Variants in REV3L observed in about 807,000 individuals in gnomAD.
The protein encoded by REV3L is REV3 like, DNA directed polymerase zeta catalytic subunit.
REV3L carries 69 observed loss-of-function variants against 299.4 expected under a neutral mutation model. The ratio of observed to expected loss-of-function variants is 0.23; its 90% CI spans 0.19 to 0.28. The LOEUF is 0.28. REV3L is among the 10% of genes least tolerant of loss of function. The pLI, the probability that REV3L is intolerant of heterozygous loss-of-function variation, is 1.00. For synonymous variants in REV3L, 1,238 were observed against 1,271.4 expected, an observed-to-expected ratio of 0.97 and a Z score of 0.56; for missense variants, 3,128 against 3,693.8, an observed-to-expected ratio of 0.85 and a Z score of 3.97.
At chr6:111,388,264 G>A (rs983149396) in intron 7 of REV3L, among the ~76,000 whole-genome samples, 179 bp from the exon 8 acceptor site, 2 of 151,966 alleles carry the variant, frequency 1.3e-5, no homozygotes, top group Non-Finnish European at 2.9e-5. Flanking sequence ...TGTTACTAAA[G>A]TTATAAAATT....
chr6:111,304,081 A>G (rs964619798), intron 31 of REV3L, among the ~76,000 whole-genome samples: 1 of 151,870 alleles, frequency 6.6e-6, no homozygotes, highest in African/African-American at 2.4e-5. Flanking sequence ...TGGGTTACAG[A>G]GTTTGATATA....
chr6:111,396,308 T>G (rs1211778566), intron 4 of REV3L, among the ~76,000 whole-genome samples: 1 of 152,130 alleles, frequency 6.6e-6, no homozygotes, highest in African/African-American at 2.4e-5. Context: ...ATTACAGGCA[T>G]GAGCCACTGT....
chr6:111,390,430 A>G (rs554057971), intron 5 of REV3L, among the ~76,000 whole-genome samples: 79 of 152,300 alleles, frequency 5.2e-4, no homozygotes, highest in Non-Finnish European at 9.7e-4. Context: ...TTGGTTCATT[A>G]TATTTTATAT....
At position 111,400,157 on chromosome 6, in the gene REV3L, C is replaced by T. The variant is rs780105061; in HGVS notation, c.565+5313G>A. Among the ~76,000 whole-genome samples, 5 of 152,144 alleles carry T rather than the reference C, an allele frequency of 3.3e-5. No individual in the cohort carries two copies. In the South Asian group the frequency reaches 6.2e-4, roughly 19 times the overall value. On this transcript the variant is annotated intron_variant, in intron 4 of 31. Coordinates refer to ENST00000368802, the MANE Select transcript of REV3L (RefSeq NM_001372078.1). ...CCATTCCCCTGTTGAGTGGACATCT[C>T]GGTTGCTTTACATTTTTGGCAGTTA...
intron 1 of REV3L, among the ~76,000 whole-genome samples, chr6:111,423,204 T>C (rs1267832063): frequency 6.6e-6 from 1 of 152,048 alleles, no homozygotes; most frequent in African/African-American, 2.4e-5. Flanking sequence ...GAGAAAATGA[T>C]GAATAAATAG....
upstream of REV3L, chr6:111,483,379 G>A: frequency 4.3e-6 from 2 of 470,326 alleles, no homozygotes; most frequent in South Asian, 3.0e-5. Context: ...CCCCCTCCCC[G>A]GGCACGCGGC....
intron 18 of REV3L, among the ~76,000 whole-genome samples, chr6:111,354,644 A>G (rs1202506044): frequency 1.3e-5 from 2 of 152,172 alleles, no homozygotes; most frequent in Non-Finnish European, 2.9e-5. Context: ...TTTCCTCTCT[A>G]AAAACATTTG....
At chr6:111,411,367 G>T in intron 3 of REV3L, 113 bp downstream of exon 3, 1 of 694,420 alleles carries the variant, frequency 1.4e-6, no homozygotes, top group Non-Finnish European at 2.5e-6. Context: ...GTATTTTACG[G>T]TCTCTGTCTT....
At chr6:111,329,104 C>A (rs1044098922) in intron 25 of REV3L, among the ~76,000 whole-genome samples, 6 of 151,484 alleles carry the variant, frequency 4.0e-5, no homozygotes, top group Non-Finnish European at 7.4e-5. Context: ...AGTGCAATGG[C>A]GCGATCTTGG....
chr6:111,403,346 A>G (rs964142777), intron 4 of REV3L, among the ~76,000 whole-genome samples: 11 of 152,224 alleles, frequency 7.2e-5, no homozygotes, highest in African/African-American at 2.7e-4. Context: ...GGAATACCCC[A>G]TTAAATTGTG....
At chr6:111,408,604 A>AAACAAAACAC (rs1783895987) in intron 3 of REV3L, among the ~76,000 whole-genome samples, 1 of 44,260 alleles carries the variant, frequency 2.3e-5, no homozygotes. Flanking sequence ...TCCATCTTAA[A>AAACAAAACAC]AACAAAACAA....
At chr6:111,418,167 T>C (rs910787760) in intron 1 of REV3L, among the ~76,000 whole-genome samples, 1 of 152,036 alleles carries the variant, frequency 6.6e-6, no homozygotes, top group African/African-American at 2.4e-5. Context: ...TTGAGGGAGG[T>C]GGGAAGACAG....
rs1049253613 is a variant in REV3L, at chr6:111,377,031, A to G, written c.1598-274T>C. On this transcript the variant is annotated intron_variant, in intron 12 of 31. Transcript: ENST00000368802. Reference sequence around the variant, plus strand: ...TGGGGCATAAGGGAAAAATACTGTCACTTTAAAAATGTTCATAAAATAATA... The same window carrying G: ...TGGGGCATAAGGGAAAAATACTGTCGCTTTAAAAATGTTCATAAAATAATA... Among the ~76,000 whole-genome samples the G allele has an allele frequency of 2.0e-5, 3 of 152,352 alleles. No individual in the cohort carries two copies. The East Asian group carries it at 5.8e-4, about 29-fold the overall frequency.
chr6:111,348,719 A>G (rs968132283), intron 20 of REV3L, among the ~76,000 whole-genome samples: 15 of 152,200 alleles, frequency 9.9e-5, no homozygotes, highest in African/African-American at 2.9e-4. Flanking sequence ...GCACAATCAC[A>G]GCTCACCGCA....
At chr6:111,356,302 AAG>A (rs1778082065) in intron 18 of REV3L, among the ~76,000 whole-genome samples, 1 of 152,038 alleles carries the variant, frequency 6.6e-6, no homozygotes, top group African/African-American at 2.4e-5. Flanking sequence ...AGCATTTAAT[AAG>A]AGAGTCCATG....
intron 1 of REV3L, among the ~76,000 whole-genome samples, chr6:111,476,073 C>T (rs1451861888): frequency 6.6e-6 from 1 of 152,150 alleles, no homozygotes; most frequent in Admixed American, 6.6e-5. Context: ...AGAATATTTG[C>T]ACATACATGA....
chr6:111,469,711 G>A (rs1286354501), intron 1 of REV3L, among the ~76,000 whole-genome samples: 4 of 152,150 alleles, frequency 2.6e-5, no homozygotes, highest in African/African-American at 4.8e-5. Flanking sequence ...CAACCAGTAC[G>A]GATTATCCAG....
chr6:111,447,143 A>G (rs1788959115), intron 1 of REV3L, among the ~76,000 whole-genome samples: 1 of 152,210 alleles, frequency 6.6e-6, no homozygotes, highest in South Asian at 2.1e-4. Flanking sequence ...AAGGAAAAAA[A>G]TCTGTTTATT....
At chr6:111,356,036 T>C (rs1778056650) in intron 18 of REV3L, among the ~76,000 whole-genome samples, 1 of 152,320 alleles carries the variant, frequency 6.6e-6, no homozygotes, top group African/African-American at 2.4e-5. Flanking sequence ...GAATGGTTTA[T>C]GTTAACCCAT....
Sources: allele counts gnomAD v4.1 joint callset (sites outside exome capture counted in the v4.1 genomes callset), GRCh38; gene constraint gnomAD v4.1.1; transcripts MANE v1.5; gene names NCBI Gene and HGNC (gene_info 2026-07-23, HGNC 2026-07-21).